Variants in SLX9 observed in about 807,000 individuals in gnomAD.
SLX9 encodes ribosome biogenesis protein SLX9 homolog.
A neutral mutation model predicts 20.8 loss-of-function variants in SLX9; 19 were observed. The ratio of observed to expected loss-of-function variants is 0.91; its 90% CI spans 0.64 to 1.34. SLX9 has a LOEUF of 1.34. SLX9 is among the 40% of genes most tolerant of loss of function. The pLI is 0.00. For synonymous variants in SLX9, 113 were observed against 137.1 expected, an observed-to-expected ratio of 0.82 and a Z score of 1.23; for missense variants, 299 against 322.2, an observed-to-expected ratio of 0.93 and a Z score of 0.55.
At chr21:44,944,888 T>A (rs1263897314) in intron 2 of SLX9, among the ~76,000 whole-genome samples, 3 of 152,180 alleles carry the variant, frequency 2.0e-5, no homozygotes, top group Non-Finnish European at 4.4e-5. Context: ...TCAAAGGAGG[T>A]AACAGTATTT....
intron 5 of SLX9, among the ~76,000 whole-genome samples, chr21:44,974,264 C>A (rs1345757041): frequency 6.6e-6 from 1 of 152,050 alleles, no homozygotes; most frequent in South Asian, 2.1e-4. Flanking sequence ...TCTACCGAGG[C>A]CCATTGTGCC....
intron 2 of SLX9, among the ~76,000 whole-genome samples, 166 bp downstream of exon 2, chr21:44,944,003 C>T (rs755900625): frequency 1.3e-5 from 2 of 152,216 alleles, no homozygotes; most frequent in African/African-American, 4.8e-5. Flanking sequence ...GAGTAGATTA[C>T]AGCTGTGGTT....
chr21:44,965,347 C>T (rs982321822), intron 3 of SLX9, among the ~76,000 whole-genome samples: 7 of 152,130 alleles, frequency 4.6e-5, no homozygotes, highest in African/African-American at 9.7e-5. Flanking sequence ...GGTCCCGCCC[C>T]GCCACTGCCT....
At chr21:44,971,127 T>C (rs13050319) in intron 4 of SLX9, among the ~76,000 whole-genome samples, 6 of 16,582 alleles carry the variant, frequency 3.6e-4, no homozygotes, top group Non-Finnish European at 6.1e-4. Flanking sequence ...GGACCCCCCA[T>C]GCTGTGGACC....
chr21:44,972,533 A>C (rs1176698485), intron 4 of SLX9, among the ~76,000 whole-genome samples: 1 of 152,178 alleles, frequency 6.6e-6, no homozygotes, highest in Non-Finnish European at 1.5e-5. Flanking sequence ...CCACCTGTCC[A>C]TGGGGGACTG....
chr21:44,952,728 C>T (rs893686086), intron 2 of SLX9, among the ~76,000 whole-genome samples: 4 of 152,188 alleles, frequency 2.6e-5, no homozygotes, highest in East Asian at 3.9e-4. Context: ...GTGCTCCGGG[C>T]GCCCCCCTGC....
Position 44,940,032 on chromosome 21 carries a change from C to G in SLX9, c.-26C>G. 3 of 1,409,258 alleles carry G rather than the reference C, an allele frequency of 2.1e-6. No individual in the cohort carries two copies. The highest frequency in any genetic ancestry group is 1.6e-5 in the South Asian group (1 of 62,682). The allele number at this position is 1,409,258 out of a possible 1,614,324, so 87.3% of individuals were successfully genotyped here. A position where few individuals can be genotyped will look rare whatever the true frequency, so the allele number is the denominator to read the frequency against. On this transcript the variant is annotated 5_prime_UTR_variant, in exon 1 of 6. Coordinates refer to ENST00000291634, the MANE Select transcript of SLX9 (RefSeq NM_058190.4). ...GGACCAGCTTCCGGGAGGCGCTCCG[C>G]ACGTTTGCCGTGCTCCGCCGGGAAG...
intron 2 of SLX9, among the ~76,000 whole-genome samples, chr21:44,954,630 C>T (rs2084821499): frequency 6.6e-6 from 1 of 152,148 alleles, no homozygotes; most frequent in South Asian, 2.1e-4. Context: ...AGCCTGGGCT[C>T]CTCAGCACAG....
In SLX9 at chr21:44,943,738, G is replaced by A. The variant is rs142143446; in HGVS notation, c.184G>A (p.Ala62Thr). ...IFARTKIDPS[A>T]LVQKLELDVR... is the part of the protein sequence containing the mutation. The stretch of plus-strand genomic sequence containing the variant: ...TGCCAGGACCAAGATAGACCCCAGC[G>A]CCTTGGTGCAGAAGCTGGAGCTGGA... The change falls in exon 2 of 6, where the codon GCC becomes ACC. Residue 62 changes from alanine to threonine, a missense_variant. Ala to Thr is a moderately conservative substitution (Grantham distance 58). Coordinates refer to ENST00000291634, the MANE Select transcript of SLX9 (RefSeq NM_058190.4). 737 of 1,614,198 alleles carry A rather than the reference G, an allele frequency of 4.6e-4. No individual in the cohort carries two copies. Among genetic ancestry groups the A allele is most frequent in the Admixed American group, 7.0e-4 (42 of 60,022 alleles).
intron 3 of SLX9, among the ~76,000 whole-genome samples, chr21:44,966,795 T>G (rs928566792): frequency 6.6e-6 from 1 of 152,248 alleles, no homozygotes; most frequent in African/African-American, 2.4e-5. Flanking sequence ...CCTCAGTGGC[T>G]GCAGTTCCAC....
chr21:44,967,510 T>C (rs1347963330), intron 4 of SLX9, among the ~76,000 whole-genome samples: 1 of 152,044 alleles, frequency 6.6e-6, no homozygotes, highest in Admixed American at 6.5e-5. Context: ...TCCCCCCAAC[T>C]CACTGTTCTG....
rs1033860625 is a variant in SLX9 at position 44,966,158 on chromosome 21, G to A, written c.353-876G>A. On this transcript the variant is annotated intron_variant, in intron 3 of 5. Transcript: ENST00000291634. ...CCTGATTTCGGGTTGGTCAGGGTGGGCCCTTCACACCTTGTTCTGCGAGCC... is the reference window on the plus strand; with the variant it reads ...CCTGATTTCGGGTTGGTCAGGGTGGACCCTTCACACCTTGTTCTGCGAGCC... 2.0e-5 allele frequency among the ~76,000 whole-genome samples: 3 copies of A among 152,232 alleles called. No homozygotes were observed. In the East Asian group the frequency reaches 5.8e-4, roughly 29 times the overall value.
At chr21:44,948,257 C>T (rs2084682703) in intron 2 of SLX9, among the ~76,000 whole-genome samples, 1 of 147,578 alleles carries the variant, frequency 6.8e-6, no homozygotes. Flanking sequence ...GGGAGCTGGT[C>T]GTGAAGCATC....
intron 4 of SLX9, among the ~76,000 whole-genome samples, chr21:44,967,482 G>C (rs2085059865): frequency 1.3e-5 from 2 of 152,162 alleles, no homozygotes; most frequent in Non-Finnish European, 2.9e-5. Context: ...CACAGCTCCT[G>C]CCGGGTCCCA....
At chr21:44,976,579 A>C in intron 5 of SLX9, 101 bp from the exon 6 acceptor site, 1 of 1,494,938 alleles carries the variant, frequency 6.7e-7, no homozygotes, top group East Asian at 2.5e-5. Flanking sequence ...TGGTGGCCCC[A>C]GGCCTCTGCC....
intron 2 of SLX9, among the ~76,000 whole-genome samples, chr21:44,954,479 G>A (rs1004247622): frequency 2.0e-5 from 3 of 152,118 alleles, no homozygotes; most frequent in Non-Finnish European, 4.4e-5. Flanking sequence ...TGGGAGCTCC[G>A]GCCGTCGGCA....
intron 2 of SLX9, among the ~76,000 whole-genome samples, chr21:44,951,916 C>A (rs961258239): frequency 7.6e-6 from 1 of 131,722 alleles, no homozygotes; most frequent in African/African-American, 4.4e-5. Context: ...CAGAGACTGG[C>A]CCAGGCGGGT....
chr21:44,973,734 C>T (rs1015060488), intron 5 of SLX9, among the ~76,000 whole-genome samples: 3 of 152,002 alleles, frequency 2.0e-5, no homozygotes, highest in African/African-American at 7.3e-5. Flanking sequence ...TGAGTGCCTC[C>T]AGCCTGCCCT....
In SLX9 at chr21:44,976,720, C is replaced by T. The variant is rs766025722; in HGVS notation, c.610C>T (p.Pro204Ser). Residue 204 changes from proline (P) to serine (S), a missense_variant, in exon 6 of 6, where the codon CCG becomes TCG. Pro to Ser is a moderately conservative substitution (Grantham distance 74). Transcript: ENST00000291634. ...CCGGTTTCAGGAGCTGCTGGCCAGTCCGGCCTACAGAGCCAGCCCCCTGGT... is the reference window on the plus strand; with the variant it reads ...CCGGTTTCAGGAGCTGCTGGCCAGTTCGGCCTACAGAGCCAGCCCCCTGGT... The part of the protein sequence containing the change: ...RTRFQELLAS[P>S]AYRASPLVAI... The T allele has an allele frequency of 3.8e-6, 6 of 1,574,306 alleles. No individual in the cohort carries two copies. Among genetic ancestry groups the T allele is most frequent in the Middle Eastern group, 2.2e-4 (1 of 4,498 alleles).
Sources: allele counts gnomAD v4.1 joint callset (sites outside exome capture counted in the v4.1 genomes callset), GRCh38; gene constraint gnomAD v4.1.1; transcripts MANE v1.5; gene names NCBI Gene and HGNC (gene_info 2026-07-23, HGNC 2026-07-21).